Variants in PHF21B observed in about 807,000 individuals in gnomAD.
PHF21B encodes PHD finger protein 4.
In PHF21B, 22 loss-of-function variants were observed where a neutral mutation model predicts 62.2. That is an observed-to-expected ratio of 0.35 (90% CI 0.25 to 0.51). The LOEUF (loss-of-function observed/expected upper bound fraction) is 0.51, where lower values mean the gene tolerates loss of function less well. PHF21B is among the 20% of genes least tolerant of loss of function. The pLI, the probability that PHF21B is intolerant of heterozygous loss-of-function variation, is 0.97. For synonymous variants in PHF21B, 341 were observed against 314.7 expected, an observed-to-expected ratio of 1.08 and a Z score of -0.88; for missense variants, 701 against 707.9, an observed-to-expected ratio of 0.99 and a Z score of 0.11.
chr22:44,993,407 C>T (rs1300780012), intron 2 of PHF21B, among the ~76,000 whole-genome samples: 1 of 152,192 alleles, frequency 6.6e-6, no homozygotes, highest in African/African-American at 2.4e-5. Context: ...CACGCTCATC[C>T]ACCACAGCGG....
chr22:44,930,199 G>A (rs1264240156), intron 2 of PHF21B, among the ~76,000 whole-genome samples: 3 of 152,156 alleles, frequency 2.0e-5, no homozygotes, highest in Non-Finnish European at 4.4e-5. Flanking sequence ...TCCCATAAAC[G>A]CACACAGCCA....
At position 44,882,584 on chromosome 22, in the gene PHF21B, G is replaced by A. The variant is rs1569202417; in HGVS notation, c.*502C>T. ...GGACCTCCTAGGAGCGTGGGGCATT[G>A]AGGAACTACCTAGATCCACTACCCC... On this transcript the variant is annotated 3_prime_UTR_variant, in exon 13 of 13. Transcript: ENST00000313237. The A allele has an allele frequency of 7.3e-6, 1 of 137,730 alleles. No individual in the cohort carries two copies. Among genetic ancestry groups the A allele is most frequent in the Non-Finnish European group, 1.5e-5 (1 of 65,994 alleles). The allele number at this position is 137,730 out of a possible 1,614,324, so 8.5% of individuals were successfully genotyped here. A position where few individuals can be genotyped will look rare whatever the true frequency, so the allele number is the denominator to read the frequency against.
chr22:45,009,019 A>AACACAC lies in PHF21B; in HGVS notation c.55-415_55-410dup. On this transcript the variant is annotated intron_variant, in intron 1 of 12. Coordinates refer to ENST00000313237, the MANE Select transcript of PHF21B (RefSeq NM_138415.5). The surrounding 1 kb of genome is among the most constrained non-coding windows in gnomAD (Gnocchi z 5.9). ...ATTCAAGTCGCGTCCTAATCTCCCC[A>AACACAC]ACACACACACGCGCACGCCGAGCCC... The AACACAC allele has an allele frequency of 8.9e-7, 1 of 1,123,988 alleles. No individual in the cohort carries two copies. Among genetic ancestry groups the AACACAC allele is most frequent in the Non-Finnish European group, 1.1e-6 (1 of 919,506 alleles). The allele number at this position is 1,123,988 out of a possible 1,614,324, so 69.6% of individuals were successfully genotyped here.
At chr22:44,928,202 A>C (rs866757539) in intron 2 of PHF21B, among the ~76,000 whole-genome samples, 1 of 151,028 alleles carries the variant, frequency 6.6e-6, no homozygotes, top group African/African-American at 2.4e-5. Flanking sequence ...AGCTCTTCCC[A>C]CCCCCGCTTC....
intron 2 of PHF21B, among the ~76,000 whole-genome samples, chr22:44,994,303 C>T (rs1375042414): frequency 3.3e-5 from 5 of 152,218 alleles, no homozygotes; most frequent in Admixed American, 2.0e-4. Flanking sequence ...AACCCTAAAT[C>T]CCATGACTGG....
rs577384776 is a variant in PHF21B at position 44,921,815 on chromosome 22, C to T, written c.121-1325G>A. Among the ~76,000 whole-genome samples, 7 of 152,254 alleles carry T rather than the reference C, an allele frequency of 4.6e-5. No homozygotes were observed. The South Asian group carries it at 6.2e-4, about 14-fold the overall frequency. ...CTGGGATTACAGGCGCCCGCCACCA[C>T]GCCTGGGTAACTTTTGTATTTTTAG... On this transcript the variant is annotated intron_variant, in intron 2 of 12. Transcript: ENST00000313237.
At chr22:44,903,577 C>T (rs1182138568) in intron 5 of PHF21B, among the ~76,000 whole-genome samples, 5 of 152,182 alleles carry the variant, frequency 3.3e-5, no homozygotes, top group African/African-American at 1.2e-4. Context: ...TCTTTTTGCC[C>T]TGTGGGATCA....
chr22:45,008,741 G>A, intron 1 of PHF21B, 131 bp from the exon 2 acceptor site: 1 of 1,155,654 alleles, frequency 8.7e-7, no homozygotes, highest in Non-Finnish European at 1.1e-6. Context: ...CAAGTTTCCC[G>A]GGCCGCGTCC....
rs995093464 is a variant in PHF21B, at chr22:44,883,029, G to C, written c.*57C>G. ...GAATTAAGGCCGACAGAACCCCCAG[G>C]CTGTGTAAGCAGGGTCCCAATAACT... On this transcript the variant is annotated 3_prime_UTR_variant, in exon 13 of 13. Transcript: ENST00000313237. 2.0e-6 allele frequency: 3 copies of C among 1,513,162 alleles called. No homozygotes were observed. The African/African-American group carries it at 4.1e-5, about 21-fold the overall frequency. 93.7% of individuals were successfully genotyped at this position (1,513,162 alleles called of 1,614,324 possible).
At chr22:44,934,668 G>A (rs1741127422) in intron 2 of PHF21B, among the ~76,000 whole-genome samples, 1 of 152,190 alleles carries the variant, frequency 6.6e-6, no homozygotes, top group African/African-American at 2.4e-5. Context: ...AACATCACGT[G>A]GGCCCATAAC....
chr22:44,993,491 C>A (rs373299952), intron 2 of PHF21B, among the ~76,000 whole-genome samples: 1 of 152,252 alleles, frequency 6.6e-6, no homozygotes, highest in Admixed American at 6.5e-5. Flanking sequence ...CAGACCCCAG[C>A]TTCCCGGTCA....
At chr22:44,957,478 AG>A (rs1394255777) in intron 2 of PHF21B, among the ~76,000 whole-genome samples, 1 of 152,136 alleles carries the variant, frequency 6.6e-6, no homozygotes, top group African/African-American at 2.4e-5. Flanking sequence ...CTGCCTCCAG[AG>A]GGAGTTCTCA....
chr22:44,975,883 T>G (rs150827359), intron 2 of PHF21B, among the ~76,000 whole-genome samples: 452 of 152,378 alleles, frequency 3.0e-3, no homozygotes, highest in African/African-American at 0.01. Flanking sequence ...TTAAAAATTT[T>G]GGGTTGGGCA....
intron 2 of PHF21B, among the ~76,000 whole-genome samples, chr22:44,923,739 C>T (rs1405113407): frequency 1.3e-5 from 2 of 152,034 alleles, no homozygotes; most frequent in Non-Finnish European, 2.9e-5. Flanking sequence ...TATACTGGGC[C>T]AGGCACAGTG....
rs547044263 is a variant in PHF21B, at chr22:44,897,760, C to T, written c.832-1677G>A. 3.3e-5 allele frequency among the ~76,000 whole-genome samples: 5 copies of T among 152,218 alleles called. No individual in the cohort carries two copies. In the East Asian group the frequency reaches 7.7e-4, roughly 23 times the overall value. On this transcript the variant is annotated intron_variant, in intron 5 of 12. Coordinates refer to ENST00000313237, the MANE Select transcript of PHF21B (RefSeq NM_138415.5). ...CAGTTCATCGCAACTAAAGAACCAA[C>T]GTCGGTACATTATTATCAGCTAAAA...
intron 5 of PHF21B, among the ~76,000 whole-genome samples, chr22:44,908,608 G>A (rs977846517): frequency 9.2e-5 from 14 of 152,278 alleles, no homozygotes; most frequent in South Asian, 8.3e-4. Flanking sequence ...CAGCGACAGC[G>A]GAGTTGCCCA....
intron 2 of PHF21B, among the ~76,000 whole-genome samples, chr22:44,977,590 G>A (rs1460538670): frequency 4.6e-5 from 7 of 151,550 alleles, no homozygotes; most frequent in Non-Finnish European, 8.8e-5. Flanking sequence ...GATATCGCTT[G>A]TTTTTTGGGA....
At chr22:44,984,092 TCATCAC>T (rs1369250891) in intron 2 of PHF21B, among the ~76,000 whole-genome samples, 2 of 142,942 alleles carry the variant, frequency 1.4e-5, no homozygotes, top group Non-Finnish European at 3.1e-5. Flanking sequence ...ATCACCATCA[TCATCAC>T]CATCATCACC....
intron 2 of PHF21B, among the ~76,000 whole-genome samples, chr22:45,007,822 C>T (rs948843290): frequency 5.3e-5 from 8 of 151,328 alleles, no homozygotes; most frequent in Non-Finnish European, 1.5e-5. Flanking sequence ...CTGGCGGCGG[C>T]ATCTGTTCGT....
Sources: gnomAD v4.1 joint callset for allele counts (sites outside exome capture counted in the v4.1 genomes callset) on GRCh38, gnomAD v4.1.1 for gene constraint, Gnocchi (gnomAD v3.1) non-coding constraint, MANE v1.5 for transcripts, NCBI Gene and HGNC (gene_info 2026-07-23, HGNC 2026-07-21) for gene names.